Variants in ACACA observed in about 807,000 individuals in gnomAD.
The protein encoded by ACACA is acetyl-CoA carboxylase 1.
ACACA carries 103 observed loss-of-function variants against 296.1 expected under a neutral mutation model. That is an observed-to-expected ratio of 0.35 (90% CI 0.30 to 0.41). The LOEUF is 0.41. ACACA is among the 10% of genes least tolerant of loss of function. ACACA has a pLI of 1.00. For missense variants in ACACA, 1,554 were observed against 2,989.7 expected, an observed-to-expected ratio of 0.52 and a Z score of 11.20; for synonymous variants, 953 against 1,038.6, an observed-to-expected ratio of 0.92 and a Z score of 1.58.
At chr17:37,294,893 G>C (rs2083254840) in intron 3 of ACACA, among the ~76,000 whole-genome samples, 1 of 152,196 alleles carries the variant, frequency 6.6e-6, no homozygotes, top group South Asian at 2.1e-4. Flanking sequence ...TCCCTTCAGA[G>C]GCAATGGCCT....
intron 1 of ACACA, among the ~76,000 whole-genome samples, chr17:37,390,252 ATT>A (rs1491549466): frequency 6.3e-5 from 2 of 31,772 alleles, no homozygotes; most frequent in Non-Finnish European, 8.9e-5. Flanking sequence ...TTATATATAT[ATT>A]ATATATAATT....
At chr17:37,283,439 A>G (rs2082635160) in intron 4 of ACACA, 34 bp from the exon 5 acceptor site, 1 of 1,613,072 alleles carries the variant, frequency 6.2e-7, no homozygotes, top group Admixed American at 1.7e-5. Context: ...ATGGGAAGAA[A>G]AGGCAGAAAA....
At chr17:37,355,311 AC>A (rs1286700976) in intron 1 of ACACA, among the ~76,000 whole-genome samples, 3 of 152,208 alleles carry the variant, frequency 2.0e-5, no homozygotes, top group Admixed American at 6.6e-5. Context: ...TAATCCCAGC[AC>A]TTTGGGAGGC....
chr17:37,255,681 C>G (rs2081194526), intron 14 of ACACA, among the ~76,000 whole-genome samples: 1 of 152,214 alleles, frequency 6.6e-6, no homozygotes, highest in African/African-American at 2.4e-5. Flanking sequence ...GCTGTGTTAA[C>G]TACAAAGTTT....
rs577107325 is a variant in ACACA at position 37,249,815 on chromosome 17, A to G, written c.2082-1141T>C. 8.5e-5 allele frequency among the ~76,000 whole-genome samples: 13 copies of G among 152,348 alleles called. No individual in the cohort carries two copies. In the East Asian group the frequency reaches 2.5e-3, roughly 29 times the overall value. On this transcript the variant is annotated intron_variant, in intron 16 of 55. Coordinates refer to ENST00000616317, the MANE Select transcript of ACACA (RefSeq NM_198834.3). The stretch of plus-strand genomic sequence containing the variant: ...TATGGTTCGGCTGTGTTCCCACTCA[A>G]ATCTCATCTTGAACTGTAGCTCCCA...
In ACACA at chr17:37,264,766, CAT is replaced by C. The variant is rs565626219; in HGVS notation, c.1120-874_1120-873del. Among the ~76,000 whole-genome samples, 12 of 152,278 alleles carry C rather than the reference CAT, an allele frequency of 7.9e-5. No homozygotes were observed. In the South Asian group the frequency reaches 2.3e-3, roughly 29 times the overall value. The stretch of plus-strand genomic sequence containing the variant: ...ATGATGTTAGACCATTTCACATAAC[CAT>C]ATGTCTTTTATGCTCTGTATCTTTT... On this transcript the variant is annotated intron_variant, in intron 10 of 55. Transcript: ENST00000616317.
At chr17:37,314,125 T>C (rs1432610364) in intron 3 of ACACA, among the ~76,000 whole-genome samples, 1 of 140,094 alleles carries the variant, frequency 7.1e-6, no homozygotes, top group Non-Finnish European at 1.5e-5. Flanking sequence ...TTTTTTGAGA[T>C]GGAGTCTCAC....
Position 37,330,184 on chromosome 17 carries a change from G to A in ACACA, c.327C>T (p.Ala109=), listed in dbSNP as rs757119673. ...LGISSLQDGL[A]LHIRSSMSGL... ...GAACTCTCTCTTACCTTATGTGCAA[G>A]GCCAAGCCATCCTGTAGGCTAGAGA... is the stretch of plus-strand genomic sequence containing the variant. The change falls in exon 3 of 56, where the codon GCC becomes GCT. Residue 109 remains alanine, a synonymous_variant. Coordinates refer to ENST00000616317, the MANE Select transcript of ACACA (RefSeq NM_198834.3). 6.2e-7 allele frequency: 1 copy of A among 1,614,134 alleles called. No individual in the cohort carries two copies. The highest frequency in any genetic ancestry group is 8.5e-7 in the Non-Finnish European group (1 of 1,180,030).
intron 10 of ACACA, among the ~76,000 whole-genome samples, chr17:37,270,201 G>A (rs954115930): frequency 1.3e-5 from 2 of 152,188 alleles, no homozygotes; most frequent in Non-Finnish European, 2.9e-5. Flanking sequence ...AGGGTGTGGT[G>A]GCCATGCAAC....
At chr17:37,327,805 T>C (rs2047689106) in intron 3 of ACACA, among the ~76,000 whole-genome samples, 1 of 152,188 alleles carries the variant, frequency 6.6e-6, no homozygotes, top group South Asian at 2.1e-4. Context: ...GTAGCAGATT[T>C]CTTGGTTGTG....
At chr17:37,118,729 T>C (rs2074377199) in intron 50 of ACACA, among the ~76,000 whole-genome samples, 1 of 152,204 alleles carries the variant, frequency 6.6e-6, no homozygotes, top group Non-Finnish European at 1.5e-5. Flanking sequence ...TTTACATAAA[T>C]CTTAATTTAT....
intron 2 of ACACA, among the ~76,000 whole-genome samples, chr17:37,332,802 C>T (rs767995911): frequency 1.2e-4 from 18 of 150,902 alleles, no homozygotes; most frequent in Admixed American, 8.0e-4. Flanking sequence ...CCCAGCTACT[C>T]GGGAGGCTGA....
At position 37,318,920 on chromosome 17, in the gene ACACA, T is replaced by G. The variant is rs2047216898; in HGVS notation, c.338+11253A>C. Among the ~76,000 whole-genome samples the G allele has an allele frequency of 2.0e-5, 3 of 152,318 alleles. No individual in the cohort carries two copies. In the South Asian group the frequency reaches 6.2e-4, roughly 32 times the overall value. ...ATATAGCTAAAACTAAAAAGCTCTG[T>G]CATAAATGGTACATAAAATGATTAT... On this transcript the variant is annotated intron_variant, in intron 3 of 55. Coordinates refer to ENST00000616317, the MANE Select transcript of ACACA (RefSeq NM_198834.3).
intron 10 of ACACA, among the ~76,000 whole-genome samples, chr17:37,264,802 T>A (rs930780967): frequency 6.6e-6 from 1 of 152,232 alleles, no homozygotes; most frequent in African/African-American, 2.4e-5. Flanking sequence ...TTTTGCTCTG[T>A]TTTGCCATGT....
chr17:37,115,834 A>G (rs1213636037), intron 50 of ACACA, among the ~76,000 whole-genome samples: 1 of 152,242 alleles, frequency 6.6e-6, no homozygotes, highest in Non-Finnish European at 1.5e-5. Flanking sequence ...ATACACACAT[A>G]TAAATCATTT....
chr17:37,311,449 C>A (rs1314498228), intron 3 of ACACA, among the ~76,000 whole-genome samples: 1 of 151,854 alleles, frequency 6.6e-6, no homozygotes, highest in African/African-American at 2.4e-5. Flanking sequence ...CACATACATA[C>A]ATATGCATGA....
At chr17:37,317,317 C>T (rs1034529132) in intron 3 of ACACA, among the ~76,000 whole-genome samples, 1 of 151,800 alleles carries the variant, frequency 6.6e-6, no homozygotes, top group South Asian at 2.1e-4. Flanking sequence ...AGGCTGGGCG[C>T]GGTGGCTGAC....
intron 1 of ACACA, among the ~76,000 whole-genome samples, chr17:37,377,202 G>A (rs1416224374): frequency 6.6e-6 from 1 of 152,068 alleles, no homozygotes; most frequent in Non-Finnish European, 1.5e-5. Flanking sequence ...GGAGGGAGAA[G>A]AGAAAATAAG....
intron 2 of ACACA, among the ~76,000 whole-genome samples, chr17:37,335,055 C>T (rs2048052460): frequency 1.3e-5 from 2 of 151,976 alleles, no homozygotes; most frequent in African/African-American, 4.8e-5. Context: ...CAGAAAAACA[C>T]ATAAAGGAAG....
Sources: allele counts gnomAD v4.1 joint callset (sites outside exome capture counted in the v4.1 genomes callset), GRCh38; gene constraint gnomAD v4.1.1; transcripts MANE v1.5; gene names NCBI Gene and HGNC (gene_info 2026-07-23, HGNC 2026-07-21).